Variants in B3GALT1 observed in about 807,000 individuals in gnomAD.
B3GALT1 encodes the protein beta-1,3-galactosyltransferase 1.
Under a neutral mutation model 23.2 loss-of-function variants are expected in B3GALT1, and 10 were observed. That is an observed-to-expected ratio of 0.43 (90% confidence interval 0.27 to 0.73). The LOEUF is 0.73. B3GALT1 is among the 30% of genes least tolerant of loss of function. The probability of loss-of-function intolerance (pLI) is 0.21; values close to 1 mark genes in which losing one functional copy is unlikely to be tolerated. For synonymous variants in B3GALT1, 156 were observed against 141.5 expected, an observed-to-expected ratio of 1.10 and a Z score of -0.73; for missense variants, 299 against 405.4, an observed-to-expected ratio of 0.74 and a Z score of 2.25.
At chr2:167,361,153 A>G (rs1697493586) in intron 1 of B3GALT1, among the ~76,000 whole-genome samples, 1 of 151,108 alleles carries the variant, frequency 6.6e-6, no homozygotes, top group Non-Finnish European at 1.5e-5. Context: ...TATTGTGAAT[A>G]GTGCTTCAGT....
intron 3 of B3GALT1, among the ~76,000 whole-genome samples, chr2:167,797,275 G>A (rs1408222653): frequency 5.3e-5 from 8 of 152,150 alleles, no homozygotes; most frequent in African/African-American, 1.9e-4. Flanking sequence ...ACGACTTCCA[G>A]CTCCATCCAT....
chr2:167,487,287 ATGT>A (rs1057102853), intron 1 of B3GALT1, among the ~76,000 whole-genome samples: 33 of 152,190 alleles, frequency 2.2e-4, no homozygotes, highest in African/African-American at 7.7e-4. Context: ...TGGGAAGGTA[ATGT>A]TGTGCGTGTT....
At chr2:167,504,109 A>G (rs1240952548) in intron 2 of B3GALT1, among the ~76,000 whole-genome samples, 1 of 152,204 alleles carries the variant, frequency 6.6e-6, no homozygotes, top group African/African-American at 2.4e-5. Flanking sequence ...ATTTCATAAC[A>G]GATTAATTGC....
At position 167,871,599 on chromosome 2, in the gene B3GALT1, A is replaced by G. The variant is rs1690346370; in HGVS notation, c.*1579A>G. The G allele has an allele frequency of 1.3e-5, 2 of 152,330 alleles. No homozygotes were observed. The highest frequency in any genetic ancestry group is 2.4e-5 in the African/African-American group (1 of 41,568). The allele number at this position is 152,330 out of a possible 1,614,324, so 9.4% of individuals were successfully genotyped here. ...CTTGATATCCCAAGGTGCTGAAAGTAGAGGCAGCTGCCTTTCTTTGGGAAG... is the reference window on the plus strand; with the variant it reads ...CTTGATATCCCAAGGTGCTGAAAGTGGAGGCAGCTGCCTTTCTTTGGGAAG... On this transcript the variant is annotated 3_prime_UTR_variant, in exon 5 of 5. Transcript: ENST00000392690.
At chr2:167,500,583 G>GATA (rs139540872) in intron 2 of B3GALT1, among the ~76,000 whole-genome samples, 7,159 of 151,888 alleles carry the variant, frequency 0.047, 562 homozygotes, top group African/African-American at 0.16. Context: ...ACCGCAGATA[G>GATA]ATAAGAGGCT....
chr2:167,675,849 A>C (rs1417638216), intron 3 of B3GALT1, among the ~76,000 whole-genome samples: 2 of 151,630 alleles, frequency 1.3e-5, no homozygotes, highest in Non-Finnish European at 1.5e-5. Flanking sequence ...AAACCCATGC[A>C]GGATCGAGGA....
intron 2 of B3GALT1, among the ~76,000 whole-genome samples, chr2:167,512,546 G>GTATATATATGTA (rs1553463223): frequency 0.025 from 1,965 of 80,158 alleles, 119 homozygotes; most frequent in African/African-American, 0.1. Context: ...ATATATATAT[G>GTATATATATGTA]TATATATATG....
At chr2:167,698,556 C>T (rs1007423767) in intron 3 of B3GALT1, among the ~76,000 whole-genome samples, 1 of 152,162 alleles carries the variant, frequency 6.6e-6, no homozygotes, top group Non-Finnish European at 1.5e-5. Context: ...ACCCAACTAC[C>T]AGTCCCCTGT....
At chr2:167,742,705 G>C (rs2105277859) in intron 3 of B3GALT1, among the ~76,000 whole-genome samples, 1 of 152,082 alleles carries the variant, frequency 6.6e-6, no homozygotes, top group Non-Finnish European at 1.5e-5. Context: ...ATGTAATTCT[G>C]TTTTTCAGAT....
At chr2:167,729,674 T>C (rs930289076) in intron 3 of B3GALT1, among the ~76,000 whole-genome samples, 2 of 152,182 alleles carry the variant, frequency 1.3e-5, no homozygotes, top group Admixed American at 1.3e-4. Context: ...CAAATTTTAA[T>C]GATACATTTC....
chr2:167,536,348 A>G (rs987657971), intron 2 of B3GALT1, among the ~76,000 whole-genome samples: 4 of 152,308 alleles, frequency 2.6e-5, no homozygotes, highest in East Asian at 1.9e-4. Context: ...GGAATAAAAG[A>G]AAGAGAAAGA....
At chr2:167,718,570 T>C (rs969064469) in intron 3 of B3GALT1, among the ~76,000 whole-genome samples, 2 of 152,228 alleles carry the variant, frequency 1.3e-5, no homozygotes, top group African/African-American at 4.8e-5. Flanking sequence ...AAGATACAAG[T>C]CTATTTAATA....
chr2:167,547,896 C>A (rs1228354074), intron 2 of B3GALT1, among the ~76,000 whole-genome samples: 1 of 152,130 alleles, frequency 6.6e-6, no homozygotes, highest in Admixed American at 6.5e-5. Context: ...ATGACAATTT[C>A]CACTGGCTAT....
chr2:167,471,834 T>A (rs1699421612), intron 1 of B3GALT1, among the ~76,000 whole-genome samples: 2 of 152,152 alleles, frequency 1.3e-5, no homozygotes, highest in South Asian at 2.1e-4. Context: ...ATGGCTGGGC[T>A]TTTTTTAGTG....
intron 3 of B3GALT1, among the ~76,000 whole-genome samples, chr2:167,785,153 T>C (rs1184844519): frequency 6.6e-6 from 1 of 152,160 alleles, no homozygotes; most frequent in Non-Finnish European, 1.5e-5. Flanking sequence ...ATATTCACCA[T>C]TTGAATCAAG....
In B3GALT1 at chr2:167,735,004, T is replaced by C. The variant is rs189012300; in HGVS notation, c.-351-83668T>C. On this transcript the variant is annotated intron_variant, in intron 3 of 4. Transcript: ENST00000392690. ...GCTTATGCTGCCATCATTTTCTCAC[T>C]CTCTGTTCAAGTAACTGGATTTGCA... Among the ~76,000 whole-genome samples, 8 of 152,320 alleles carry C rather than the reference T, an allele frequency of 5.3e-5. No homozygotes were observed. The South Asian group carries it at 8.3e-4, about 16-fold the overall frequency.
chr2:167,849,710 AC>A (rs1236981301), intron 4 of B3GALT1, among the ~76,000 whole-genome samples: 1 of 151,960 alleles, frequency 6.6e-6, no homozygotes, highest in African/African-American at 2.4e-5. Context: ...ACACAGTGAA[AC>A]CCTGTCTCTA....
chr2:167,438,415 T>C (rs1393502837), intron 1 of B3GALT1, among the ~76,000 whole-genome samples: 1 of 152,236 alleles, frequency 6.6e-6, no homozygotes, highest in Admixed American at 6.5e-5. Context: ...GGTGAATGAC[T>C]GTTTGGTCAA....
At chr2:167,354,535 T>C (rs910332968) in intron 1 of B3GALT1, among the ~76,000 whole-genome samples, 2 of 152,010 alleles carry the variant, frequency 1.3e-5, no homozygotes, top group Non-Finnish European at 2.9e-5. Flanking sequence ...TTAGTAGAGA[T>C]GGGGTTTCAC....
Sources: gnomAD v4.1 joint callset for allele counts (sites outside exome capture counted in the v4.1 genomes callset) on GRCh38, gnomAD v4.1.1 for gene constraint, MANE v1.5 for transcripts, NCBI Gene and HGNC (gene_info 2026-07-23, HGNC 2026-07-21) for gene names.